Variants in PLCL1 observed in about 807,000 individuals in gnomAD.
The protein encoded by PLCL1 is phospholipase C like 1 (inactive).
Under a neutral mutation model 84.4 loss-of-function variants are expected in PLCL1, and 41 were observed. The ratio of observed to expected loss-of-function variants is 0.49; its 90% CI spans 0.38 to 0.63. PLCL1 has a LOEUF of 0.63. Ranked by LOEUF, PLCL1 falls within the 30% of genes least tolerant of loss-of-function variation. The pLI is 0.00. For synonymous variants in PLCL1, 490 were observed against 488.3 expected (o/e 1.00, Z -0.05); for missense variants, 1,206 against 1,367.8 (o/e 0.88, Z 1.87).
Position 198,085,761 on chromosome 2 carries a change from C to G in PLCL1, c.2244C>G (p.Pro748=). 6.2e-7 allele frequency: 1 copy of G among 1,614,010 alleles called. No homozygotes were observed. The highest frequency in any genetic ancestry group is 8.5e-7 in the Non-Finnish European group (1 of 1,179,926). The change falls in exon 2 of 6, where the codon CCC becomes CCG. Residue 748 remains proline, a synonymous_variant. Coordinates refer to ENST00000428675, the MANE Select transcript of PLCL1 (RefSeq NM_006226.4). This position sits in a 1 kb window ranked among gnomAD's most constrained non-coding sequence, Gnocchi z 5.3. The stretch of plus-strand genomic sequence containing the variant: ...GTGCCAAAGGGGATGTCATAGATCC[C>G]TATGTTTGTATAGAGATACACGGAA... ...GACAKGDVID[P]YVCIEIHGIP... is the part of the protein sequence containing the mutation.
At chr2:198,076,496 A>G (rs560863442) in intron 1 of PLCL1, among the ~76,000 whole-genome samples, 10 of 152,352 alleles carry the variant, frequency 6.6e-5, no homozygotes, top group Non-Finnish European at 1.0e-4. Context: ...TTGACTTAGA[A>G]GATGGTGTAG....
chr2:197,864,498 T>TA (rs1687492464), intron 1 of PLCL1, among the ~76,000 whole-genome samples: 2 of 147,308 alleles, frequency 1.4e-5, no homozygotes, highest in East Asian at 2.0e-4. Context: ...TTTTTTTTTT[T>TA]AACACAGGAT....
intron 2 of PLCL1, among the ~76,000 whole-genome samples, chr2:198,088,096 A>G (rs1692930879): frequency 6.6e-6 from 1 of 152,242 alleles, no homozygotes; most frequent in Admixed American, 6.5e-5. Context: ...CATATTTTAT[A>G]TAATCTTGAA....
intron 1 of PLCL1, among the ~76,000 whole-genome samples, chr2:197,933,540 A>T (rs1031631480): frequency 6.6e-6 from 1 of 152,162 alleles, no homozygotes; most frequent in Non-Finnish European, 1.5e-5. Flanking sequence ...AGATTAATAG[A>T]TTAATTGCAA....
At chr2:197,855,904 A>G (rs1450224073) in intron 1 of PLCL1, among the ~76,000 whole-genome samples, 1 of 152,118 alleles carries the variant, frequency 6.6e-6, no homozygotes, top group Non-Finnish European at 1.5e-5. Context: ...CAGTTGTTCA[A>G]ATGTGCCATT....
chr2:197,913,758 C>T (rs2105748375), intron 1 of PLCL1, among the ~76,000 whole-genome samples: 1 of 152,246 alleles, frequency 6.6e-6, no homozygotes, highest in African/African-American at 2.4e-5. Context: ...AACTTTTTAC[C>T]AGAATCCTCC....
At chr2:197,810,295 T>C (rs1213945994) in intron 1 of PLCL1, 1 of 1,273,966 alleles carries the variant, frequency 7.8e-7, no homozygotes, top group South Asian at 1.2e-5. Flanking sequence ...TTATAGCACC[T>C]CTCAAGAAAA....
chr2:198,047,523 A>G (rs1691835877), intron 1 of PLCL1, among the ~76,000 whole-genome samples: 2 of 152,176 alleles, frequency 1.3e-5, no homozygotes, highest in South Asian at 4.1e-4. Context: ...ATCAGTATAT[A>G]GGGATGCCAC....
chr2:197,892,117 T>G, intron 1 of PLCL1, among the ~76,000 whole-genome samples: 1 of 152,246 alleles, frequency 6.6e-6, no homozygotes, highest in East Asian at 1.9e-4. Context: ...TACTCACGAT[T>G]TACTATGTGA....
At chr2:197,939,717 CTTTTT>C (rs869135841) in intron 1 of PLCL1, among the ~76,000 whole-genome samples, 2 of 112,166 alleles carry the variant, frequency 1.8e-5, no homozygotes, top group Non-Finnish European at 1.8e-5. Context: ...CTTCAACAGA[CTTTTT>C]TTTTTTTTTT....
intron 1 of PLCL1, among the ~76,000 whole-genome samples, chr2:197,916,629 C>A (rs920961598): frequency 7.9e-5 from 12 of 151,728 alleles, no homozygotes; most frequent in African/African-American, 2.9e-4. Context: ...GAGACCAGGA[C>A]AGAGTCATGG....
At chr2:197,926,435 A>G (rs934162256) in intron 1 of PLCL1, among the ~76,000 whole-genome samples, 9 of 152,158 alleles carry the variant, frequency 5.9e-5, no homozygotes, top group African/African-American at 2.2e-4. Flanking sequence ...ATCTTTATGC[A>G]ATGTTTCCCA....
Position 197,932,480 on chromosome 2 carries a change from T to A in PLCL1, c.240+127141T>A, listed in dbSNP as rs574129404. 2.2e-3 allele frequency among the ~76,000 whole-genome samples: 332 copies of A among 152,264 alleles called. 1 individual carries two copies. The highest frequency in any genetic ancestry group is 7.6e-3 in the African/African-American group (315 of 41,572). On this transcript the variant is annotated intron_variant, in intron 1 of 5. Transcript: ENST00000428675. Reference sequence around the variant, plus strand: ...CACCCACCACCTAGATTTTAAGTCCTGCATGCATTGACTATTTCTCCAGAT... The same window carrying A: ...CACCCACCACCTAGATTTTAAGTCCAGCATGCATTGACTATTTCTCCAGAT...
At chr2:197,807,105 A>G (rs1453794927) in intron 1 of PLCL1, among the ~76,000 whole-genome samples, 1 of 152,252 alleles carries the variant, frequency 6.6e-6, no homozygotes, top group African/African-American at 2.4e-5. Flanking sequence ...GATATTAGAA[A>G]ATAAAGTGAA....
intron 1 of PLCL1, among the ~76,000 whole-genome samples, chr2:197,978,369 CG>C (rs1232937386): frequency 6.6e-5 from 10 of 152,094 alleles, no homozygotes; most frequent in Non-Finnish European, 2.9e-5. Flanking sequence ...CCCAGCTACT[CG>C]GGAGGCTGAG....
chr2:198,043,377 A>G (rs1691711000), intron 1 of PLCL1, among the ~76,000 whole-genome samples: 1 of 152,160 alleles, frequency 6.6e-6, no homozygotes, highest in African/African-American at 2.4e-5. Flanking sequence ...AGTGGAAGCA[A>G]ATATACTTGT....
At chr2:198,020,021 C>T (rs1691094773) in intron 1 of PLCL1, among the ~76,000 whole-genome samples, 1 of 152,184 alleles carries the variant, frequency 6.6e-6, no homozygotes, top group Admixed American at 6.5e-5. Flanking sequence ...GGAAGCCCAT[C>T]AAACTAACAG....
chr2:197,823,251 G>A (rs1007086501), intron 1 of PLCL1, among the ~76,000 whole-genome samples: 6 of 152,168 alleles, frequency 3.9e-5, no homozygotes, highest in African/African-American at 1.4e-4. Context: ...TTAGGAGAAT[G>A]GCTAGAAGTT....
At position 197,874,207 on chromosome 2, in the gene PLCL1, C is replaced by G. The variant is rs74321477; in HGVS notation, c.240+68868C>G. 6.9e-3 allele frequency among the ~76,000 whole-genome samples: 1,056 copies of G among 152,184 alleles called. 18 individuals are homozygous for G. Among genetic ancestry groups the G allele is most frequent in the African/African-American group, 0.024 (992 of 41,548 alleles). ...CAGTCACAAGTCCTTTCTGGTATTT[C>G]AAATTTTCCCACTTTTTTAACATCA... On this transcript the variant is annotated intron_variant, in intron 1 of 5. Coordinates refer to ENST00000428675, the MANE Select transcript of PLCL1 (RefSeq NM_006226.4).
Sources: allele counts gnomAD v4.1 joint callset (sites outside exome capture counted in the v4.1 genomes callset), GRCh38; gene constraint gnomAD v4.1.1; non-coding constraint Gnocchi (gnomAD v3.1); transcripts MANE v1.5; gene names NCBI Gene and HGNC (gene_info 2026-07-23, HGNC 2026-07-21).